The following POU2F1 variants were observed in gnomAD, a reference collection of about 807,000 sequenced individuals.
POU2F1 encodes POU class 2 homeobox 1, also known as POU domain, class 2, transcription factor 1.
Under a neutral mutation model 84.9 loss-of-function variants are expected in POU2F1, and 16 were observed. The observed-to-expected ratio is 0.19, with a 90% CI of 0.13 to 0.29. The LOEUF is 0.29. Among genes scored for constraint, POU2F1 ranks in the 10% least tolerant of loss-of-function variants. The pLI is 1.00. For synonymous variants in POU2F1, 368 were observed against 368.3 expected, an observed-to-expected ratio of 1.00 and a Z score of 0.01; for missense variants, 738 against 942.6, an observed-to-expected ratio of 0.78 and a Z score of 2.84.
intron 2 of POU2F1, among the ~76,000 whole-genome samples, chr1:167,358,467 A>G (rs1455840288): frequency 6.6e-6 from 1 of 151,876 alleles, no homozygotes; most frequent in Non-Finnish European, 1.5e-5. Flanking sequence ...GGAGGATTAG[A>G]ATTATTTGTT....
intron 1 of POU2F1, among the ~76,000 whole-genome samples, chr1:167,221,325 GCGGGGC>G (rs1437106342): frequency 6.6e-6 from 1 of 150,938 alleles, no homozygotes; most frequent in Non-Finnish European, 1.5e-5. Context: ...CGGCGGGGCG[GCGGGGC>G]CGGGGCAGAG....
intron 1 of POU2F1, among the ~76,000 whole-genome samples, chr1:167,322,936 T>C (rs1274278068): frequency 6.6e-6 from 1 of 152,180 alleles, no homozygotes; most frequent in Non-Finnish European, 1.5e-5. Flanking sequence ...GAGCCAAGTG[T>C]TCCTTGCCGT....
intron 1 of POU2F1, among the ~76,000 whole-genome samples, chr1:167,298,268 T>G (rs1437121893): frequency 6.6e-6 from 1 of 152,174 alleles, no homozygotes; most frequent in East Asian, 1.9e-4. Context: ...TTTTTTTCTT[T>G]TGCATTTCTT....
At chr1:167,355,696 T>TC (rs373628951) in intron 2 of POU2F1, among the ~76,000 whole-genome samples, 1 of 152,182 alleles carries the variant, frequency 6.6e-6, no homozygotes, top group African/African-American at 2.4e-5. Flanking sequence ...CTATTTTTTT[T>TC]CACTATGTTG....
intron 1 of POU2F1, among the ~76,000 whole-genome samples, chr1:167,265,117 A>G (rs2102448185): frequency 6.6e-6 from 1 of 152,294 alleles, no homozygotes; most frequent in South Asian, 2.1e-4. Flanking sequence ...TCCTGTACTG[A>G]TCTATTCTCA....
intron 1 of POU2F1, among the ~76,000 whole-genome samples, chr1:167,306,102 A>G (rs1458935641): frequency 6.6e-6 from 1 of 152,254 alleles, no homozygotes; most frequent in Non-Finnish European, 1.5e-5. Flanking sequence ...TTTTGGCAGC[A>G]GCAAATACAG....
At chr1:167,381,285 G>A (rs544065168) in intron 7 of POU2F1, among the ~76,000 whole-genome samples, 47 of 152,148 alleles carry the variant, frequency 3.1e-4, no homozygotes, top group Admixed American at 5.9e-4. Context: ...GGGTTTCACC[G>A]TGTTAGCCAG....
intron 15 of POU2F1, chr1:167,414,211 A>C: frequency 7.4e-5 from 41 of 557,796 alleles, no homozygotes; most frequent in South Asian, 1.6e-4. Context: ...GGTTAGCTCT[A>C]AAGCTTTTGT....
chr1:167,265,580 AAATC>A (rs1157310035), intron 1 of POU2F1, among the ~76,000 whole-genome samples: 1 of 152,186 alleles, frequency 6.6e-6, no homozygotes, highest in Non-Finnish European at 1.5e-5. Context: ...ATATTTTTAA[AAATC>A]AAACTTATGA....
intron 1 of POU2F1, among the ~76,000 whole-genome samples, chr1:167,232,260 A>G (rs1432703121): frequency 2.0e-5 from 3 of 152,240 alleles, no homozygotes. Context: ...ATGACTTCTC[A>G]GTCTATGGAC....
chr1:167,226,000 A>G (rs547172932), intron 1 of POU2F1, among the ~76,000 whole-genome samples: 19 of 152,332 alleles, frequency 1.2e-4, no homozygotes, highest in African/African-American at 4.6e-4. Flanking sequence ...TTAAGCAGGA[A>G]TGTGTTTTTC....
intron 2 of POU2F1, among the ~76,000 whole-genome samples, chr1:167,339,237 A>G (rs111923490): frequency 5.3e-5 from 8 of 151,930 alleles, no homozygotes; most frequent in African/African-American, 1.2e-4. Context: ...TCCTGTCCCC[A>G]TCTTTTCTTT....
At chr1:167,377,382 C>A (rs946323664) in intron 7 of POU2F1, among the ~76,000 whole-genome samples, 1 of 151,452 alleles carries the variant, frequency 6.6e-6, no homozygotes, top group East Asian at 1.9e-4. Context: ...GTCAGGAGAT[C>A]GAGACCATCC....
At chr1:167,367,711 A>T (rs1370197062) in intron 3 of POU2F1, among the ~76,000 whole-genome samples, 1 of 152,064 alleles carries the variant, frequency 6.6e-6, no homozygotes, top group Non-Finnish European at 1.5e-5. Flanking sequence ...GCTTTATACC[A>T]TATGTGTATA....
At chr1:167,380,026 T>C (rs1232665374) in intron 7 of POU2F1, 1 of 152,220 alleles carries the variant, frequency 6.6e-6, no homozygotes, top group Admixed American at 6.5e-5. Context: ...CCTTTCTGAG[T>C]TTCCCATATT....
chr1:167,413,182 T>A, intron 15 of POU2F1, 68 bp downstream of exon 15: 1 of 1,334,082 alleles, frequency 7.5e-7, no homozygotes, highest in Non-Finnish European at 1.1e-6. Flanking sequence ...TGTGTGTGTG[T>A]GTGTGTGCTT....
intron 2 of POU2F1, chr1:167,338,222 A>C (rs1333896312): frequency 2.1e-6 from 1 of 465,970 alleles, no homozygotes; most frequent in African/African-American, 2.0e-5. Flanking sequence ...GACAAGGATG[A>C]AGATCTTTGT....
intron 13 of POU2F1, among the ~76,000 whole-genome samples, chr1:167,408,693 G>A (rs951764447): frequency 1.3e-5 from 2 of 152,186 alleles, no homozygotes; most frequent in African/African-American, 4.8e-5. Context: ...GTAGGAGTGT[G>A]ACATGATTAC....
At chr1:167,248,133 C>T (rs962762209) in intron 1 of POU2F1, among the ~76,000 whole-genome samples, 4 of 152,138 alleles carry the variant, frequency 2.6e-5, no homozygotes, top group African/African-American at 9.7e-5. Context: ...AAAAGCATTG[C>T]AGGAAATTGA....
Sources: gnomAD v4.1 joint callset for allele counts (sites outside exome capture counted in the v4.1 genomes callset) on GRCh38, gnomAD v4.1.1 for gene constraint, MANE v1.5 for transcripts, NCBI Gene and HGNC (gene_info 2026-07-23, HGNC 2026-07-21) for gene names.